Variants in MTMR1 observed in about 807,000 individuals in gnomAD.
MTMR1 encodes the protein phosphatidylinositol-3-phosphate phosphatase MTMR1.
Under a neutral mutation model 51.6 loss-of-function variants are expected in MTMR1, and 17 were observed. The observed-to-expected ratio is 0.33, with a 90% confidence interval of 0.23 to 0.49. The LOEUF (loss-of-function observed/expected upper bound fraction) is 0.49, where lower values mean the gene tolerates loss of function less well. Ranked by LOEUF, MTMR1 falls within the 20% of genes least tolerant of loss-of-function variation. The pLI is 0.99. For missense variants in MTMR1, 386 were observed against 526.9 expected, an observed-to-expected ratio of 0.73 and a Z score of 2.62; for synonymous variants, 201 against 205.6, an observed-to-expected ratio of 0.98 and a Z score of 0.19.
At chrX:150,698,678 G>GCACACACACACACACACACA (rs1444236629) in intron 1 of MTMR1, among the ~76,000 whole-genome samples, 1 of 70,806 alleles carries the variant, frequency 1.4e-5, no homozygotes, top group African/African-American at 5.2e-5. Context: ...CTACACGCGC[G>GCACACACACACACACACACA]CGCACACACA....
chrX:150,757,859 C>T (rs782320496), intron 15 of MTMR1, among the ~76,000 whole-genome samples: 12 of 111,161 alleles, frequency 1.1e-4, no homozygotes, highest in Non-Finnish European at 2.3e-4. Flanking sequence ...TCTGGCGGCC[C>T]TATGTTGATT....
intron 11 of MTMR1, 138 bp downstream of exon 11, chrX:150,736,918 C>A: frequency 1.5e-6 from 1 of 650,639 alleles, no homozygotes; most frequent in Non-Finnish European, 2.2e-6. Context: ...CAGCATCAGA[C>A]TGGGGTCTTT....
intron 4 of MTMR1, among the ~76,000 whole-genome samples, chrX:150,720,219 G>A (rs113815485): frequency 0.035 from 3,888 of 111,187 alleles, 176 homozygotes; most frequent in African/African-American, 0.12. Flanking sequence ...GTTTTGACAC[G>A]GTGTACACCT....
At chrX:150,702,517 A>G (rs921023148) in intron 2 of MTMR1, among the ~76,000 whole-genome samples, 11 of 112,171 alleles carry the variant, frequency 9.8e-5, no homozygotes, top group Non-Finnish European at 1.9e-4. Flanking sequence ...TTATTTACTC[A>G]TATCATAAAT....
intron 3 of MTMR1, chrX:150,712,666 G>A (rs2041353428): frequency 3.6e-6 from 1 of 275,982 alleles, no homozygotes. Flanking sequence ...TCATGACTGG[G>A]GTTATAAGGC....
rs1361834436 is a variant in MTMR1 at position 150,762,607 on chromosome X, G to A, written c.1900G>A (p.Ala634Thr). Reference protein sequence around the residue: ...QNLKELLAVRAELQKRVEGLQ... With the variant: ...QNLKELLAVRTELQKRVEGLQ... ...TCTCAAGGAGCTGCTGGCCGTCAGGGCGGAGCTGCAGAAGCGTGTGGAGGG... is the reference window on the plus strand; with the variant it reads ...TCTCAAGGAGCTGCTGGCCGTCAGGACGGAGCTGCAGAAGCGTGTGGAGGG... Residue 634 changes from alanine (A) to threonine (T), a missense_variant, in exon 16 of 16, where the codon GCG becomes ACG. Ala to Thr is a moderately conservative substitution (Grantham distance 58). Transcript: ENST00000445323. 8.3e-7 allele frequency: 1 copy of A among 1,210,505 alleles called. No homozygotes were observed. Among genetic ancestry groups the A allele is most frequent in the Non-Finnish European group, 1.1e-6 (1 of 895,299 alleles).
intron 3 of MTMR1, among the ~76,000 whole-genome samples, chrX:150,717,614 G>C (rs1270076335): frequency 9.1e-6 from 1 of 109,841 alleles, no homozygotes; most frequent in African/African-American, 3.3e-5. Context: ...CTCACAGGGT[G>C]GCGGTACCTT....
At chrX:150,703,183 C>T (rs1313944060) in intron 2 of MTMR1, among the ~76,000 whole-genome samples, 2 of 111,897 alleles carry the variant, frequency 1.8e-5, no homozygotes, top group Non-Finnish European at 3.8e-5. Context: ...TCACAGCTTC[C>T]ATTGTTTGGA....
intron 1 of MTMR1, among the ~76,000 whole-genome samples, chrX:150,698,676 GCGCGCACACACACACACA>G (rs1229937676): frequency 1.9e-5 from 1 of 53,079 alleles, no homozygotes; most frequent in African/African-American, 7.6e-5. Flanking sequence ...GTCTACACGC[GCGCGCACACACACACACA>G]CACACACACA....
At chrX:150,710,860 C>CA (rs1557416199) in intron 2 of MTMR1, among the ~76,000 whole-genome samples, 113 of 111,994 alleles carry the variant, frequency 1.0e-3, no homozygotes, top group African/African-American at 3.5e-3. Flanking sequence ...TTAATTTTCT[C>CA]ATCTTTTAAA....
chrX:150,757,445 C>T (rs1186384096), intron 15 of MTMR1, among the ~76,000 whole-genome samples: 1 of 112,638 alleles, frequency 8.9e-6, no homozygotes, highest in Non-Finnish European at 1.9e-5. Flanking sequence ...TCCTCTGGAC[C>T]CTCTGAGTTG....
chrX:150,744,516 T>C, intron 13 of MTMR1, 63 bp downstream of exon 13: 6 of 885,407 alleles, frequency 6.8e-6, no homozygotes, highest in Non-Finnish European at 9.8e-6. Flanking sequence ...AAGATTAAAC[T>C]ATTATTGCTG....
chrX:150,721,346 C>T (rs782318855), intron 4 of MTMR1, among the ~76,000 whole-genome samples: 33 of 111,819 alleles, frequency 3.0e-4, no homozygotes, highest in Non-Finnish European at 5.3e-4. Flanking sequence ...CTTAGTTTTC[C>T]GGGATAGCTT....
chrX:150,714,655 C>G (rs2041435647), intron 3 of MTMR1: 1 of 387,811 alleles, frequency 2.6e-6, no homozygotes, highest in African/African-American at 2.7e-5. Flanking sequence ...TAGTGCCCTC[C>G]TGTCCAAATT....
chrX:150,750,651 C>T (rs1603268451), intron 13 of MTMR1, 79 bp from the exon 14 acceptor site: 11 of 614,642 alleles, frequency 1.8e-5, no homozygotes, highest in South Asian at 1.5e-4. Context: ...GTTGTAGTTT[C>T]GCTGTCTTTC....
intron 2 of MTMR1, among the ~76,000 whole-genome samples, chrX:150,702,453 A>G (rs1230129332): frequency 1.8e-5 from 2 of 111,845 alleles, no homozygotes; most frequent in Non-Finnish European, 3.8e-5. Flanking sequence ...TTTCTGGTAT[A>G]TTACTAAGAA....
intron 12 of MTMR1, among the ~76,000 whole-genome samples, chrX:150,739,474 G>A (rs2042366223): frequency 8.9e-6 from 1 of 112,384 alleles, no homozygotes; most frequent in African/African-American, 3.2e-5. Flanking sequence ...AGAGGCCACT[G>A]CCTTCTACCT....
intron 15 of MTMR1, among the ~76,000 whole-genome samples, chrX:150,758,293 G>A (rs782096243): frequency 5.2e-4 from 58 of 110,699 alleles, no homozygotes; most frequent in Non-Finnish European, 9.3e-4. Flanking sequence ...GGGATATTGG[G>A]ACAGCTTTCT....
intron 1 of MTMR1, among the ~76,000 whole-genome samples, chrX:150,698,726 A>ACACACAC (rs1557415823): frequency 5.6e-5 from 6 of 106,515 alleles, no homozygotes; most frequent in African/African-American, 1.4e-4. Flanking sequence ...ACACACACAC[A>ACACACAC]AAAGCCGGGC....
Sources: gnomAD v4.1 joint callset for allele counts (sites outside exome capture counted in the v4.1 genomes callset) on GRCh38, gnomAD v4.1.1 for gene constraint, MANE v1.5 for transcripts, NCBI Gene and HGNC (gene_info 2026-07-23, HGNC 2026-07-21) for gene names.